Variants in MARCHF1 observed in about 807,000 individuals in gnomAD.
MARCHF1 encodes the protein membrane associated ring-CH-type finger 1.
MARCHF1 carries 40 observed loss-of-function variants against 54.2 expected under a neutral mutation model. The ratio of observed to expected loss-of-function variants is 0.74; its 90% CI spans 0.57 to 0.96. MARCHF1 has a LOEUF of 0.96. MARCHF1 is among the 40% of genes least tolerant of loss of function. MARCHF1 has a pLI of 0.00. For missense variants in MARCHF1, 586 were observed against 656.5 expected (o/e 0.89, Z 1.17); for synonymous variants, 236 against 236.3 (o/e 1.00, Z 0.01).
intron 4 of MARCHF1, among the ~76,000 whole-genome samples, chr4:163,782,037 C>T (rs192512600): frequency 6.2e-4 from 94 of 152,174 alleles, no homozygotes; most frequent in African/African-American, 2.1e-3. Context: ...ATAATAGTCA[C>T]CTTAAGATCA....
intron 1 of MARCHF1, among the ~76,000 whole-genome samples, chr4:164,147,114 C>A (rs62350044): frequency 6.6e-6 from 1 of 151,830 alleles, no homozygotes; most frequent in Admixed American, 6.6e-5. Context: ...CAAATCAAAA[C>A]CACTATGAGA....
At chr4:163,876,083 C>A (rs1011523085) in intron 3 of MARCHF1, among the ~76,000 whole-genome samples, 9 of 152,058 alleles carry the variant, frequency 5.9e-5, no homozygotes, top group African/African-American at 2.2e-4. Context: ...AATAAATATT[C>A]ACAGAAATTA....
intron 3 of MARCHF1, among the ~76,000 whole-genome samples, chr4:163,983,531 T>C (rs1391691859): frequency 6.6e-6 from 1 of 151,716 alleles, no homozygotes; most frequent in Non-Finnish European, 1.5e-5. Flanking sequence ...AAAACAAAAC[T>C]CCCCCCACTT....
At chr4:163,605,271 A>C (rs1257467908) in intron 7 of MARCHF1, among the ~76,000 whole-genome samples, 1 of 152,178 alleles carries the variant, frequency 6.6e-6, no homozygotes, top group Non-Finnish European at 1.5e-5. Context: ...TTCTCAAAAG[A>C]AGACATTTAT....
At chr4:164,133,944 G>A (rs75896697) in intron 1 of MARCHF1, among the ~76,000 whole-genome samples, 2,321 of 152,156 alleles carry the variant, frequency 0.015, 25 homozygotes, top group South Asian at 0.031. Context: ...TATACTCTTC[G>A]CATATATGTC....
intron 4 of MARCHF1, among the ~76,000 whole-genome samples, chr4:163,762,479 T>G (rs1325462219): frequency 1.3e-5 from 2 of 152,130 alleles, no homozygotes; most frequent in African/African-American, 4.8e-5. Flanking sequence ...CTTGTGCTAT[T>G]TTTTCCTTCA....
chr4:164,359,510 G>A (rs79061058), intron 1 of MARCHF1, among the ~76,000 whole-genome samples: 1 of 151,970 alleles, frequency 6.6e-6, no homozygotes, highest in African/African-American at 2.4e-5. Flanking sequence ...CTTCTGATAC[G>A]CTGTATGTAC....
chr4:164,073,108 T>C (rs1440129635), intron 2 of MARCHF1, among the ~76,000 whole-genome samples: 2 of 152,214 alleles, frequency 1.3e-5, no homozygotes, highest in Admixed American at 6.5e-5. Context: ...AACAAGGTTT[T>C]CTTGAAGTAC....
At chr4:163,895,452 G>A (rs1039520224) in intron 3 of MARCHF1, among the ~76,000 whole-genome samples, 1 of 152,152 alleles carries the variant, frequency 6.6e-6, no homozygotes, top group African/African-American at 2.4e-5. Context: ...GTTATGGGAA[G>A]GTAACTATCT....
chr4:163,953,388 A>G (rs917001415), intron 3 of MARCHF1, among the ~76,000 whole-genome samples: 3 of 152,146 alleles, frequency 2.0e-5, no homozygotes, highest in African/African-American at 7.2e-5. Flanking sequence ...GGTTGTCATC[A>G]AGCCATTCAT....
At chr4:163,873,886 C>T (rs188967000) in intron 3 of MARCHF1, among the ~76,000 whole-genome samples, 114 of 152,306 alleles carry the variant, frequency 7.5e-4, no homozygotes, top group Admixed American at 1.6e-3. Context: ...ACTCTGGAAT[C>T]GTACCCCTAA....
chr4:164,220,292 A>G (rs1417205179), intron 1 of MARCHF1, among the ~76,000 whole-genome samples: 1 of 148,072 alleles, frequency 6.8e-6, no homozygotes, highest in East Asian at 2.0e-4. Context: ...GAATTCATAT[A>G]TATATATGAA....
intron 3 of MARCHF1, among the ~76,000 whole-genome samples, chr4:163,898,557 A>G (rs1199818044): frequency 6.6e-6 from 1 of 152,202 alleles, no homozygotes; most frequent in Admixed American, 6.5e-5. Context: ...GGATGCAGAG[A>G]AAAGGGAATG....
At chr4:163,571,783 C>A (rs544541450) in intron 8 of MARCHF1, among the ~76,000 whole-genome samples, 1 of 152,132 alleles carries the variant, frequency 6.6e-6, no homozygotes, top group South Asian at 2.1e-4. Flanking sequence ...TTTCACTGTG[C>A]CAAGTTGAAA....
chr4:164,080,174 G>A (rs1474992563), intron 2 of MARCHF1, among the ~76,000 whole-genome samples: 1 of 152,146 alleles, frequency 6.6e-6, no homozygotes, highest in Non-Finnish European at 1.5e-5. Context: ...AACAGATCCT[G>A]AGATCACATA....
chr4:163,842,921 T>C (rs1390888464), intron 4 of MARCHF1, among the ~76,000 whole-genome samples: 1 of 152,102 alleles, frequency 6.6e-6, no homozygotes, highest in Non-Finnish European at 1.5e-5. Context: ...ATGGGTAAAT[T>C]GTGTGTCGTT....
chr4:163,678,009 G>A (rs771369029), intron 5 of MARCHF1, among the ~76,000 whole-genome samples: 12 of 152,192 alleles, frequency 7.9e-5, no homozygotes, highest in Non-Finnish European at 1.2e-4. Context: ...ATGGTGCCTA[G>A]AATTTAGCAG....
intron 4 of MARCHF1, among the ~76,000 whole-genome samples, chr4:163,844,864 G>A (rs1372606284): frequency 6.6e-6 from 1 of 152,192 alleles, no homozygotes; most frequent in Non-Finnish European, 1.5e-5. Flanking sequence ...AAGCTTGTGT[G>A]TTGCAGATGG....
intron 2 of MARCHF1, among the ~76,000 whole-genome samples, chr4:164,027,720 C>T (rs1268852961): frequency 6.6e-6 from 1 of 152,008 alleles, no homozygotes; most frequent in Non-Finnish European, 1.5e-5. Flanking sequence ...TTCCCAAAAG[C>T]AATGACAACA....
Sources: gnomAD v4.1 joint callset for allele counts (sites outside exome capture counted in the v4.1 genomes callset) on GRCh38, gnomAD v4.1.1 for gene constraint, MANE v1.5 for transcripts, NCBI Gene and HGNC (gene_info 2026-07-23, HGNC 2026-07-21) for gene names.